Variants in AFG2A observed in about 807,000 individuals in gnomAD.
AFG2A encodes the protein AAA ATPase AFG2A.
At chr4:123,188,786 A>G in the AFG2A span, among the ~76,000 whole-genome samples, 1 of 152,242 alleles carries the variant, frequency 6.6e-6, no homozygotes, top group African/African-American at 2.4e-5. Context: ...TGAAGGCATC[A>G]TTTGGTAGGT....
the AFG2A span, among the ~76,000 whole-genome samples, chr4:123,229,880 T>G: frequency 6.6e-6 from 1 of 151,956 alleles, no homozygotes; most frequent in African/African-American, 2.4e-5. Context: ...TTTAGAGATA[T>G]CGTATGTTCG....
the AFG2A span, among the ~76,000 whole-genome samples, chr4:123,275,590 C>T: frequency 1.3e-5 from 2 of 152,066 alleles, no homozygotes; most frequent in Admixed American, 6.6e-5. Flanking sequence ...ATCATTTCAT[C>T]ATGCAGGTAA....
the AFG2A span, among the ~76,000 whole-genome samples, chr4:123,126,253 G>A: frequency 6.6e-5 from 10 of 152,098 alleles, no homozygotes; most frequent in Admixed American, 6.5e-4. Context: ...CTAAAACCAT[G>A]CTCATTACTT....
the AFG2A span, among the ~76,000 whole-genome samples, chr4:123,017,532 C>T: frequency 2.8e-5 from 4 of 141,826 alleles, no homozygotes; most frequent in African/African-American, 1.1e-4. Context: ...GCTTCCTAAT[C>T]TTGCTTTATC....
At chr4:122,979,129 G>A in the AFG2A span, 1 of 1,377,800 alleles carries the variant, frequency 7.3e-7, no homozygotes, top group Non-Finnish European at 9.8e-7. Context: ...ACTGCAGCCA[G>A]TGTCTTCACT....
the AFG2A span, among the ~76,000 whole-genome samples, chr4:123,228,386 G>A: frequency 6.6e-6 from 1 of 150,684 alleles, no homozygotes; most frequent in African/African-American, 2.4e-5. Flanking sequence ...TTTAGTCCCA[G>A]CACCATTTAT....
chr4:123,265,023 G>T, the AFG2A span, among the ~76,000 whole-genome samples: 1 of 152,068 alleles, frequency 6.6e-6, no homozygotes, highest in Non-Finnish European at 1.5e-5. Flanking sequence ...GTGGCCAAAA[G>T]ATATTAATTA....
At chr4:123,216,650 G>C in the AFG2A span, among the ~76,000 whole-genome samples, 1 of 143,134 alleles carries the variant, frequency 7.0e-6, no homozygotes, top group South Asian at 2.2e-4. Flanking sequence ...GAGCCATCAC[G>C]TTTATTATTT....
the AFG2A span, among the ~76,000 whole-genome samples, chr4:123,230,318 A>G: frequency 1.3e-5 from 2 of 152,030 alleles, no homozygotes; most frequent in Non-Finnish European, 2.9e-5. Context: ...CATTTCAGTA[A>G]GGTTCACAGC....
At chr4:123,192,219 G>A in the AFG2A span, among the ~76,000 whole-genome samples, 1 of 152,142 alleles carries the variant, frequency 6.6e-6, no homozygotes, top group African/African-American at 2.4e-5. Flanking sequence ...TAGAGACAGG[G>A]TTTCACCATG....
the AFG2A span, among the ~76,000 whole-genome samples, chr4:123,032,660 C>T: frequency 5.9e-5 from 9 of 152,294 alleles, no homozygotes; most frequent in South Asian, 2.1e-4. Flanking sequence ...GTGATCCACC[C>T]GCCTTGGCCT....
chr4:123,026,933 T>C, the AFG2A span, among the ~76,000 whole-genome samples: 32 of 152,222 alleles, frequency 2.1e-4, no homozygotes, highest in African/African-American at 7.5e-4. Flanking sequence ...AACTTTTAAT[T>C]ACTCATTTGT....
the AFG2A span, among the ~76,000 whole-genome samples, chr4:123,017,414 A>ATTTTTTTTTTTTTTTTTTTTTTTT: frequency 6.7e-5 from 5 of 74,716 alleles, no homozygotes; most frequent in Admixed American, 1.7e-4. Flanking sequence ...AGCATGGGAA[A>ATTTTTTTTTTTTTTTTTTTTTTTT]TTTTTTTTTT....
the AFG2A span, chr4:123,317,470 C>A: frequency 6.6e-6 from 1 of 152,184 alleles, no homozygotes; most frequent in Non-Finnish European, 1.5e-5. Context: ...GGCTTGTAAT[C>A]TCACAGGATG....
At chr4:123,204,519 C>A in the AFG2A span, among the ~76,000 whole-genome samples, 1 of 152,028 alleles carries the variant, frequency 6.6e-6, no homozygotes, top group Non-Finnish European at 1.5e-5. Context: ...GTGAAATGTC[C>A]GCTCATGACT....
chr4:122,958,386 T>C, the AFG2A span, among the ~76,000 whole-genome samples: 1 of 152,214 alleles, frequency 6.6e-6, no homozygotes, highest in Non-Finnish European at 1.5e-5. Context: ...CTGGCATATA[T>C]GGGTAGTTAA....
the AFG2A span, among the ~76,000 whole-genome samples, chr4:123,087,225 T>C: frequency 2.0e-5 from 3 of 151,994 alleles, no homozygotes; most frequent in East Asian, 3.9e-4. Context: ...TGGGAAGGAG[T>C]GTTCCATGGT....
At chr4:122,996,962 C>A in the AFG2A span, among the ~76,000 whole-genome samples, 1 of 152,138 alleles carries the variant, frequency 6.6e-6, no homozygotes, top group African/African-American at 2.4e-5. Context: ...GGACTCTTAG[C>A]TGATTGGATG....
chr4:123,118,596 T>G, the AFG2A span, among the ~76,000 whole-genome samples: 1 of 151,724 alleles, frequency 6.6e-6, no homozygotes, highest in East Asian at 1.9e-4. Flanking sequence ...TTGCCACTAT[T>G]AACAGTACTA....
Sources: allele counts gnomAD v4.1 joint callset (sites outside exome capture counted in the v4.1 genomes callset), GRCh38; gene constraint gnomAD v4.1.1; transcripts MANE v1.5; gene names NCBI Gene and HGNC (gene_info 2026-07-23, HGNC 2026-07-21).